POLN: variants seen among roughly 807,000 people sequenced by gnomAD.
The protein encoded by POLN is DNA polymerase N.
Under a neutral mutation model 113.5 loss-of-function variants are expected in POLN, and 108 were observed. The observed-to-expected ratio is 0.95, with a 90% CI of 0.81 to 1.12. The LOEUF is 1.12. Among genes scored for constraint, POLN ranks in the 50% most tolerant of loss-of-function variants. POLN has a pLI of 0.00. For missense variants in POLN, 1,097 were observed against 1,077.1 expected (o/e 1.02, Z -0.26); for synonymous variants, 386 against 391.5 (o/e 0.99, Z 0.17).
intron 16 of POLN, among the ~76,000 whole-genome samples, chr4:2,150,618 C>T (rs533577240): frequency 1.2e-3 from 187 of 152,054 alleles, no homozygotes; most frequent in Non-Finnish European, 2.1e-3. Flanking sequence ...ATAAAGACAA[C>T]GCACTGCTGG....
At position 2,208,688 on chromosome 4, in the gene POLN, G is replaced by A. The variant is rs11934238; in HGVS notation, c.214-201C>T. ...TCAACCAAGGTAGGCATGCATATCT[G>A]GATCAAGAGCTCAAAAACCAGCCAG... On this transcript the variant is annotated intron_variant, in intron 4 of 25. Coordinates refer to ENST00000511885, the MANE Select transcript of POLN (RefSeq NM_181808.4). Among the ~76,000 whole-genome samples the A allele has an allele frequency of 8.2e-3, 1,252 of 152,186 alleles. 23 individuals carry two copies. The highest frequency in any genetic ancestry group is 0.029 in the African/African-American group (1,198 of 41,526).
At chr4:2,232,586 G>A (rs896820740) in intron 2 of POLN, among the ~76,000 whole-genome samples, 106 of 152,178 alleles carry the variant, frequency 7.0e-4, no homozygotes, top group African/African-American at 2.5e-3. Flanking sequence ...TACAGAGAAA[G>A]TTGAAATGAA....
intron 4 of POLN, among the ~76,000 whole-genome samples, chr4:2,212,388 T>A (rs1176514853): frequency 6.6e-6 from 1 of 152,184 alleles, no homozygotes; most frequent in Non-Finnish European, 1.5e-5. Context: ...TATTTCTATT[T>A]TTTAGACACT....
At chr4:2,222,418 T>C (rs898038703) in intron 3 of POLN, among the ~76,000 whole-genome samples, 4 of 150,606 alleles carry the variant, frequency 2.7e-5, no homozygotes, top group Admixed American at 2.0e-4. Flanking sequence ...TAGCCGGGCA[T>C]GCACACCTGT....
chr4:2,072,674 G>A (rs1730177626), intron 25 of POLN, among the ~76,000 whole-genome samples: 1 of 152,162 alleles, frequency 6.6e-6, no homozygotes, highest in African/African-American at 2.4e-5. Flanking sequence ...GGCTCCTAGA[G>A]GCCAGGAGAG....
At chr4:2,138,347 C>T (rs1731911211) in intron 16 of POLN, among the ~76,000 whole-genome samples, 1 of 152,156 alleles carries the variant, frequency 6.6e-6, no homozygotes, top group African/African-American at 2.4e-5. Flanking sequence ...CCACTGGAGA[C>T]TTTAGGGATT....
At chr4:2,117,335 T>TTAA (rs1356997280) in intron 19 of POLN, among the ~76,000 whole-genome samples, 1 of 152,200 alleles carries the variant, frequency 6.6e-6, no homozygotes. Context: ...TAAATATTTT[T>TTAA]TAATAATAAT....
chr4:2,158,151 C>T (rs1732484127), intron 14 of POLN, among the ~76,000 whole-genome samples: 1 of 152,056 alleles, frequency 6.6e-6, no homozygotes, highest in African/African-American at 2.4e-5. Flanking sequence ...GGGGTTTCGC[C>T]ATGTTGGCCA....
intron 16 of POLN, among the ~76,000 whole-genome samples, chr4:2,144,676 C>T (rs900344386): frequency 1.3e-5 from 2 of 152,184 alleles, no homozygotes; most frequent in African/African-American, 4.8e-5. Context: ...TGCTCCCCCA[C>T]ACCCCAATAA....
intron 2 of POLN, among the ~76,000 whole-genome samples, chr4:2,237,370 A>T (rs117114414): frequency 3.4e-5 from 5 of 146,920 alleles, no homozygotes; most frequent in African/African-American, 1.3e-4. Flanking sequence ...CAGGAGCTGG[A>T]GGTTGCAGTG....
intron 2 of POLN, chr4:2,238,467 A>G: frequency 1.9e-6 from 1 of 537,920 alleles, no homozygotes; most frequent in Admixed American, 3.6e-5. Context: ...GCATATGAAA[A>G]TGGAAAAAAA....
intron 1 of POLN, 79 bp downstream of exon 1, chr4:2,241,972 A>C: frequency 2.0e-6 from 2 of 985,478 alleles, no homozygotes; most frequent in Non-Finnish European, 2.4e-6. Flanking sequence ...AAAAAGAGGC[A>C]CCTGGGTGCA....
intron 2 of POLN, among the ~76,000 whole-genome samples, chr4:2,237,988 T>C (rs1470003298): frequency 6.6e-6 from 1 of 152,124 alleles, no homozygotes; most frequent in African/African-American, 2.4e-5. Context: ...GGCAACCCTA[T>C]CCAGGCCCCT....
At chr4:2,217,365 G>A (rs553393221) in intron 3 of POLN, among the ~76,000 whole-genome samples, 3 of 152,236 alleles carry the variant, frequency 2.0e-5, no homozygotes, top group African/African-American at 7.2e-5. Flanking sequence ...TCCATCAGCT[G>A]GTCTTAAGGC....
chr4:2,156,762 C>T, intron 16 of POLN, 26 bp downstream of exon 16: 1 of 1,590,654 alleles, frequency 6.3e-7, no homozygotes, highest in Non-Finnish European at 8.6e-7. Flanking sequence ...TGGCGTTTAA[C>T]AAAGACAGTT....
chr4:2,201,022 C>T (rs1225917579), intron 5 of POLN, among the ~76,000 whole-genome samples: 2 of 152,028 alleles, frequency 1.3e-5, no homozygotes, highest in Non-Finnish European at 2.9e-5. Context: ...AATCCCAGCA[C>T]TTTGGGAGGC....
intron 16 of POLN, among the ~76,000 whole-genome samples, chr4:2,145,241 T>A (rs1378001420): frequency 6.6e-6 from 1 of 152,118 alleles, no homozygotes; most frequent in Non-Finnish European, 1.5e-5. Context: ...CTTTATGATC[T>A]CCAAGTAAGA....
chr4:2,131,333 T>C, intron 16 of POLN, 43 bp from the exon 17 acceptor site: 1 of 1,329,604 alleles, frequency 7.5e-7, no homozygotes, highest in Non-Finnish European at 1.1e-6. Context: ...ATATCTACTC[T>C]TAATCTGTAC....
chr4:2,110,717 A>G (rs1731170831), intron 19 of POLN, among the ~76,000 whole-genome samples: 1 of 152,230 alleles, frequency 6.6e-6, no homozygotes, highest in African/African-American at 2.4e-5. Flanking sequence ...GAATAGACCA[A>G]TAACAGGCTC....
Sources: gnomAD v4.1 joint callset for allele counts (sites outside exome capture counted in the v4.1 genomes callset) on GRCh38, gnomAD v4.1.1 for gene constraint, MANE v1.5 for transcripts, NCBI Gene and HGNC (gene_info 2026-07-23, HGNC 2026-07-21) for gene names.